The following PCDHA9 variants were observed in gnomAD, a reference collection of about 807,000 sequenced individuals.
PCDHA9 encodes the protein protocadherin alpha 9.
Under a neutral mutation model 62.0 loss-of-function variants are expected in PCDHA9, and 62 were observed. The observed-to-expected ratio is 1.00, with a 90% CI of 0.81 to 1.23. PCDHA9 has a LOEUF of 1.23. Among genes scored for constraint, PCDHA9 ranks in the 50% most tolerant of loss-of-function variants. The pLI is 0.00. For synonymous variants in PCDHA9, 557 were observed against 567.6 expected, an observed-to-expected ratio of 0.98 and a Z score of 0.27; for missense variants, 1,205 against 1,249.8, an observed-to-expected ratio of 0.96 and a Z score of 0.54.
chr5:140,928,262 A>T lies in PCDHA9; in HGVS notation c.2395-50687A>T, dbSNP rs199571652. ...CAGCAGGAACTTTTCGTTGCTGAAA[A>T]CAATGGCCCTGGGGCCTCTCTAGGC... is the stretch of plus-strand genomic sequence containing the variant. On this transcript the variant is annotated intron_variant, in intron 1 of 3. Coordinates refer to ENST00000532602, the MANE Select transcript of PCDHA9 (RefSeq NM_031857.2). 20 of 1,614,214 alleles carry T rather than the reference A, an allele frequency of 1.2e-5. No homozygotes were observed. In the Admixed American group the frequency reaches 2.2e-4, roughly 17 times the overall value.
Position 140,930,862 on chromosome 5 carries a change from GGT to G in PCDHA9, c.2395-48086_2395-48085del, listed in dbSNP as rs1554208154. On this transcript the variant is annotated intron_variant, in intron 1 of 3. Coordinates refer to ENST00000532602, the MANE Select transcript of PCDHA9 (RefSeq NM_031857.2). Reference sequence around the variant, plus strand: ...AAATATGTGCATATATGAATTGGATGGTAACACTGTTCAACACAGAGGGAAAA... The same window carrying G: ...AAATATGTGCATATATGAATTGGATGAACACTGTTCAACACAGAGGGAAAA... 5.3e-3 allele frequency among the ~76,000 whole-genome samples: 803 copies of G among 152,226 alleles called. 3 individuals carry two copies. Among genetic ancestry groups the G allele is most frequent in the Non-Finnish European group, 8.4e-3 (568 of 67,990 alleles).
chr5:140,886,268 A>C (rs1250080024), intron 1 of PCDHA9, among the ~76,000 whole-genome samples: 2 of 151,920 alleles, frequency 1.3e-5, no homozygotes, highest in Non-Finnish European at 2.9e-5. Flanking sequence ...TTATAGATAA[A>C]ATTTTTTAAA....
intron 1 of PCDHA9, chr5:140,882,118 T>G: frequency 1.4e-6 from 2 of 1,431,994 alleles, no homozygotes; most frequent in Non-Finnish European, 9.4e-7. Context: ...AAGCCGCCGT[T>G]TCTTTCTTCC....
Position 141,009,697 on chromosome 5 carries a change from C to T in PCDHA9, c.2613C>T (p.Tyr871=), listed in dbSNP as rs1554262284. ...ACAGCAACAGCTGGACCTTTAAATA[C>T]GGACCAGGCAACCCCAAACAATCCG... ...GVNSNSWTFK[Y]GPGNPKQSGP... The change falls in exon 4 of 4, where the codon TAC becomes TAT. Residue 871 remains tyrosine (Y), a synonymous_variant. Coordinates refer to ENST00000532602, the MANE Select transcript of PCDHA9 (RefSeq NM_031857.2). 1.1e-5 allele frequency: 17 copies of T among 1,613,952 alleles called. No individual in the cohort carries two copies. The highest frequency in any genetic ancestry group is 1.1e-5 in the South Asian group (1 of 91,066).
At chr5:140,921,663 T>G (rs1427342485) in intron 1 of PCDHA9, among the ~76,000 whole-genome samples, 1 of 152,144 alleles carries the variant, frequency 6.6e-6, no homozygotes, top group Admixed American at 6.5e-5. Flanking sequence ...TAATAAAAAT[T>G]TAACAGTTAT....
At chr5:140,928,044 T>A (rs782342331) in intron 1 of PCDHA9, 1 of 1,614,196 alleles carries the variant, frequency 6.2e-7, no homozygotes, top group South Asian at 1.1e-5. Context: ...GTGCAGGCCC[T>A]TTTCAGCTGA....
Position 140,928,600 on chromosome 5 carries a change from G to C in PCDHA9, c.2395-50349G>C, listed in dbSNP as rs144698541. ...AAATGGTTCTGTCCCAGTGGAAATT[G>C]TGCCCCGCTCTGCCAGGACTGGACA... On this transcript the variant is annotated intron_variant, in intron 1 of 3. Coordinates refer to ENST00000532602, the MANE Select transcript of PCDHA9 (RefSeq NM_031857.2). 3.1e-6 allele frequency: 5 copies of C among 1,614,090 alleles called. No homozygotes were observed. In the African/African-American group the frequency reaches 6.7e-5, roughly 22 times the overall value.
rs782349051 is a variant in PCDHA9, at chr5:140,857,178, A to G, written c.2394+6289A>G. 8.1e-6 allele frequency: 13 copies of G among 1,598,358 alleles called. No individual in the cohort carries two copies. The South Asian group carries it at 1.3e-4, about 16-fold the overall frequency. On this transcript the variant is annotated intron_variant, in intron 1 of 3. Transcript: ENST00000532602. The stretch of plus-strand genomic sequence containing the variant: ...GCCCTAATCAGCGTTTCTGACCATG[A>G]TTCAGGAGCCAACGGACAGGTCACC...
chr5:140,961,465 T>C (rs2095614873), intron 1 of PCDHA9, among the ~76,000 whole-genome samples: 2 of 152,218 alleles, frequency 1.3e-5, no homozygotes, highest in Admixed American at 1.3e-4. Context: ...GCTGCCTTTC[T>C]TTTTTTGTCT....
At chr5:140,965,113 G>C (rs1343720863) in intron 1 of PCDHA9, among the ~76,000 whole-genome samples, 1 of 152,218 alleles carries the variant, frequency 6.6e-6, no homozygotes, top group Non-Finnish European at 1.5e-5. Context: ...ATGACCCATA[G>C]AGGAAGATCT....
intron 1 of PCDHA9, chr5:140,882,698 G>C: frequency 1.2e-6 from 2 of 1,614,200 alleles, no homozygotes; most frequent in Non-Finnish European, 1.7e-6. Flanking sequence ...AATCATTGCA[G>C]AATCTAGACC....
At chr5:140,981,643 G>A (rs998815671) in intron 2 of PCDHA9, among the ~76,000 whole-genome samples, 3 of 151,992 alleles carry the variant, frequency 2.0e-5, no homozygotes, top group African/African-American at 7.3e-5. Context: ...TTTTCTCTTA[G>A]GATCCCACTT....
At position 140,883,880 on chromosome 5, in the gene PCDHA9, C is replaced by T. The variant is rs782301944; in HGVS notation, c.2394+32991C>T. The stretch of plus-strand genomic sequence containing the variant: ...GCTGTTGCAGTTCCAGGTGAGCGCG[C>T]GCGACTCTGGCGTGCCGCCTCTGGG... On this transcript the variant is annotated intron_variant, in intron 1 of 3. Transcript: ENST00000532602. 20 of 1,613,304 alleles carry T rather than the reference C, an allele frequency of 1.2e-5. No homozygotes were observed. The Middle Eastern group carries it at 6.9e-4, about 56-fold the overall frequency.
chr5:140,944,608 G>A (rs2093673405), intron 1 of PCDHA9, among the ~76,000 whole-genome samples: 1 of 152,176 alleles, frequency 6.6e-6, no homozygotes, highest in Non-Finnish European at 1.5e-5. Flanking sequence ...AGAGTAGTGT[G>A]CTGTAGAAGT....
intron 3 of PCDHA9, among the ~76,000 whole-genome samples, chr5:140,992,706 G>T (rs1554253120): frequency 1.3e-5 from 2 of 152,138 alleles, no homozygotes; most frequent in Admixed American, 1.3e-4. Context: ...TAATGTTCCT[G>T]CCAGTATTCG....
chr5:140,923,551 T>C (rs1398661049), intron 1 of PCDHA9, among the ~76,000 whole-genome samples: 1 of 152,146 alleles, frequency 6.6e-6, no homozygotes, highest in Non-Finnish European at 1.5e-5. Flanking sequence ...AAATGAAATA[T>C]CAGCAATGAA....
chr5:140,898,464 T>C (rs2066757130), intron 1 of PCDHA9, among the ~76,000 whole-genome samples: 1 of 152,198 alleles, frequency 6.6e-6, no homozygotes, highest in Admixed American at 6.5e-5. Flanking sequence ...CCCCATTGCT[T>C]GTTTTTCTCA....
chr5:140,973,574 C>T (rs1485415780), intron 1 of PCDHA9, among the ~76,000 whole-genome samples: 1 of 152,218 alleles, frequency 6.6e-6, no homozygotes, highest in African/African-American at 2.4e-5. Flanking sequence ...AATTTTTCTA[C>T]AGACTGCTGA....
intron 3 of PCDHA9, among the ~76,000 whole-genome samples, chr5:140,992,959 T>A (rs1262703040): frequency 6.6e-6 from 1 of 152,206 alleles, no homozygotes; most frequent in Non-Finnish European, 1.5e-5. Context: ...TCACCCCTTA[T>A]ACTGCTGACA....
Sources: gnomAD v4.1 joint callset for allele counts (sites outside exome capture counted in the v4.1 genomes callset) on GRCh38, gnomAD v4.1.1 for gene constraint, MANE v1.5 for transcripts, NCBI Gene and HGNC (gene_info 2026-07-23, HGNC 2026-07-21) for gene names.